The following TRDMT1 variants were observed in gnomAD, a reference collection of about 807,000 sequenced individuals.
The protein encoded by TRDMT1 is tRNA aspartic acid methyltransferase 1, also known as tRNA (cytosine(38)-C(5))-methyltransferase.
TRDMT1 carries 49 observed loss-of-function variants against 51.2 expected under a neutral mutation model. The observed-to-expected ratio is 0.96, with a 90% CI of 0.76 to 1.21. The LOEUF (loss-of-function observed/expected upper bound fraction) is 1.21, where lower values mean the gene tolerates loss of function less well. TRDMT1 is among the 50% of genes most tolerant of loss of function. TRDMT1 has a pLI of 0.00. For synonymous variants in TRDMT1, 187 were observed against 164.6 expected, an observed-to-expected ratio of 1.14 and a Z score of -1.04; for missense variants, 534 against 462.3, an observed-to-expected ratio of 1.16 and a Z score of -1.42.
At chr10:17,165,152 G>A (rs1841002883) in intron 3 of TRDMT1, among the ~76,000 whole-genome samples, 1 of 152,130 alleles carries the variant, frequency 6.6e-6, no homozygotes, top group Non-Finnish European at 1.5e-5. Flanking sequence ...AAACAGCATG[G>A]TACTGGTACC....
rs1183298927 is a variant in TRDMT1 at position 17,139,491 on chromosome 10, G to C, written c.*9549C>G. Among the ~76,000 whole-genome samples the C allele has an allele frequency of 1.3e-5, 2 of 151,378 alleles. No homozygotes were observed. The highest frequency in any genetic ancestry group is 3.0e-5 in the Non-Finnish European group (2 of 67,766). ...AGGATGTCACCACCGATGGGGGGAAGAAAAAAACAGTTTGGTTCTCTTCTG... is the reference window on the plus strand; with the variant it reads ...AGGATGTCACCACCGATGGGGGGAACAAAAAAACAGTTTGGTTCTCTTCTG... On this transcript the variant is annotated 3_prime_UTR_variant, in exon 11 of 11. Transcript: ENST00000377799.
At chr10:17,180,299 G>T (rs981633828) in intron 1 of TRDMT1, among the ~76,000 whole-genome samples, 2 of 152,138 alleles carry the variant, frequency 1.3e-5, no homozygotes, top group Non-Finnish European at 2.9e-5. Flanking sequence ...CTAGCACTTT[G>T]GGAGGCTGAG....
At position 17,160,368 on chromosome 10, in the gene TRDMT1, G is replaced by C; in HGVS notation, c.396C>G (p.Leu132=). The C allele has an allele frequency of 6.5e-7, 1 of 1,534,010 alleles. No homozygotes were observed. The highest frequency in any genetic ancestry group is 8.8e-7 in the Non-Finnish European group (1 of 1,140,604). ...CACAATTTTCTATTGTTTGTATCAA[G>C]AGGTCTCTAAAAAGAAAAAAAAAAA... ...KGFEVSSTRD[L]LIQTIENCGF... is the part of the protein sequence containing the mutation. Residue 132 remains leucine, a synonymous_variant, in exon 6 of 11, where the codon CTC becomes CTG. Coordinates refer to ENST00000377799, the MANE Select transcript of TRDMT1 (RefSeq NM_004412.7).
At chr10:17,155,757 C>G (rs1375419928) in intron 8 of TRDMT1, among the ~76,000 whole-genome samples, 2 of 152,020 alleles carry the variant, frequency 1.3e-5, no homozygotes, top group Non-Finnish European at 2.9e-5. Flanking sequence ...GGGAAAAAGT[C>G]AAACCAGGAA....
Position 17,138,264 on chromosome 10 carries a change from G to A in TRDMT1, c.*10776C>T, listed in dbSNP as rs942758976. 5.9e-5 allele frequency among the ~76,000 whole-genome samples: 9 copies of A among 152,108 alleles called. No individual in the cohort carries two copies. Among genetic ancestry groups the A allele is most frequent in the Admixed American group, 1.3e-4 (2 of 15,262 alleles). On this transcript the variant is annotated 3_prime_UTR_variant, in exon 11 of 11. Coordinates refer to ENST00000377799, the MANE Select transcript of TRDMT1 (RefSeq NM_004412.7). ...TTAATCTGGTTTTTAGTCATTAATG[G>A]AAACATTTGTGAATATAACGATCTT...
chr10:17,151,349 G>A (rs1838707665), intron 10 of TRDMT1: 2 of 985,260 alleles, frequency 2.0e-6, no homozygotes, highest in Admixed American at 6.1e-5. Flanking sequence ...TCACCCGTAA[G>A]GACAGGTTAG....
intron 1 of TRDMT1, among the ~76,000 whole-genome samples, chr10:17,199,422 A>G (rs2131641529): frequency 6.6e-6 from 1 of 152,334 alleles, no homozygotes; most frequent in East Asian, 1.9e-4. Context: ...ATGAGGCAAC[A>G]GCAAAAGCAA....
At chr10:17,196,815 T>TA (rs1300589851) in intron 1 of TRDMT1, among the ~76,000 whole-genome samples, 1 of 152,128 alleles carries the variant, frequency 6.6e-6, no homozygotes, top group Non-Finnish European at 1.5e-5. Flanking sequence ...ATCCACATGA[T>TA]AAGACCTCAG....
intron 3 of TRDMT1, among the ~76,000 whole-genome samples, chr10:17,162,980 G>C (rs936720115): frequency 6.6e-6 from 1 of 152,032 alleles, no homozygotes; most frequent in African/African-American, 2.4e-5. Flanking sequence ...TTTCCCCTTG[G>C]TGATGTAACC....
Position 17,162,252 on chromosome 10 carries a change from A to G in TRDMT1, c.252-15T>C. The G allele has an allele frequency of 6.4e-7, 1 of 1,559,684 alleles. No homozygotes were observed. The highest frequency in any genetic ancestry group is 1.2e-5 in the South Asian group (1 of 82,708). On this transcript the variant is annotated splice_polypyrimidine_tract_variant and intron_variant, in intron 3 of 10. Transcript: ENST00000377799. ...GCCGGCCAATCCTAAAGGGGTAAAA[A>G]AAAAAAAAAACAAAAAAAAACACAG...
In TRDMT1 at chr10:17,146,027, G is replaced by C; in HGVS notation, c.*3013C>G. 1 of 985,408 alleles carries C rather than the reference G, an allele frequency of 1.0e-6. No homozygotes were observed. The highest frequency in any genetic ancestry group is 1.2e-6 in the Non-Finnish European group (1 of 829,930). The allele number at this position is 985,408 out of a possible 1,614,324, so 61.0% of individuals were successfully genotyped here. A position where few individuals can be genotyped will look rare whatever the true frequency, so the allele number is the denominator to read the frequency against. ...GAACTTCCACCCCTACCAATGCGTT[G>C]AATTGCCTGCACTCATCTCTAACCC... is the stretch of plus-strand genomic sequence containing the variant. On this transcript the variant is annotated 3_prime_UTR_variant, in exon 11 of 11. Transcript: ENST00000377799.
At chr10:17,179,754 TAAAAA>T (rs10709345) in intron 1 of TRDMT1, among the ~76,000 whole-genome samples, 1 of 127,040 alleles carries the variant, frequency 7.9e-6, no homozygotes, top group Non-Finnish European at 1.7e-5. Flanking sequence ...TCTCTACTAA[TAAAAA>T]AAAAAAAAAA....
At chr10:17,193,348 G>A (rs563061168) in intron 1 of TRDMT1, among the ~76,000 whole-genome samples, 2 of 151,954 alleles carry the variant, frequency 1.3e-5, no homozygotes, top group African/African-American at 2.4e-5. Context: ...GGGTGACAGA[G>A]TGAGAAGACG....
intron 1 of TRDMT1, among the ~76,000 whole-genome samples, chr10:17,177,572 G>A (rs1319064482): frequency 6.6e-6 from 1 of 152,078 alleles, no homozygotes; most frequent in African/African-American, 2.4e-5. Flanking sequence ...AGGACATCAC[G>A]CTTCCATTTA....
intron 1 of TRDMT1, chr10:17,201,235 T>A: frequency 4.5e-6 from 1 of 220,612 alleles, no homozygotes; most frequent in Non-Finnish European, 8.9e-6. Context: ...GCTGCACACT[T>A]AGAATGGGGG....
At chr10:17,155,199 G>A (rs1839332307) in intron 8 of TRDMT1, among the ~76,000 whole-genome samples, 1 of 151,508 alleles carries the variant, frequency 6.6e-6, no homozygotes, top group African/African-American at 2.4e-5. Flanking sequence ...GGGCAACAGA[G>A]TGAGACTCCA....
At chr10:17,177,698 C>G (rs1311389793) in intron 1 of TRDMT1, among the ~76,000 whole-genome samples, 1 of 129,020 alleles carries the variant, frequency 7.8e-6, no homozygotes, top group Non-Finnish European at 1.7e-5. Flanking sequence ...ATGCTTCTTA[C>G]AAAAATAGAC....
chr10:17,169,422 C>A (rs953196154), intron 2 of TRDMT1: 1 of 1,288,006 alleles, frequency 7.8e-7, no homozygotes, highest in Non-Finnish European at 1.0e-6. Context: ...TCTCAGATAT[C>A]CACAATTATT....
intron 3 of TRDMT1, among the ~76,000 whole-genome samples, chr10:17,162,615 G>A (rs1840558685): frequency 6.6e-6 from 1 of 152,048 alleles, no homozygotes; most frequent in South Asian, 2.1e-4. Context: ...GGCTGAGGTG[G>A]GCAGAACACT....
Sources: allele counts gnomAD v4.1 joint callset (sites outside exome capture counted in the v4.1 genomes callset), GRCh38; gene constraint gnomAD v4.1.1; transcripts MANE v1.5; gene names NCBI Gene and HGNC (gene_info 2026-07-23, HGNC 2026-07-21).